The following SLC15A5 variants were observed in gnomAD, a reference collection of about 807,000 sequenced individuals.
SLC15A5 encodes solute carrier family 15 member 5, also known as Peptide/histidine transporter ENSP00000340402.
In SLC15A5, 58 loss-of-function variants were observed where a neutral mutation model predicts 56.1. That is an observed-to-expected ratio of 1.03 (90% CI 0.84 to 1.29). The LOEUF (loss-of-function observed/expected upper bound fraction) is 1.29. Ranked by LOEUF, SLC15A5 falls within the 50% of genes most tolerant of loss-of-function variation. The pLI, the probability that SLC15A5 is intolerant of heterozygous loss-of-function variation, is 0.00. For missense variants in SLC15A5, 681 were observed against 672.1 expected (o/e 1.01, Z -0.15); for synonymous variants, 264 against 250.5 (o/e 1.05, Z -0.51).
chr12:16,266,798 C>T lies in SLC15A5; in HGVS notation c.584+5763G>A, dbSNP rs546216109. ...GCAAAGCACTAAAGCAAAACAAATACCAGTGATTAAGGAAAATTGAAAGCA... is the reference window on the plus strand; with the variant it reads ...GCAAAGCACTAAAGCAAAACAAATATCAGTGATTAAGGAAAATTGAAAGCA... On this transcript the variant is annotated intron_variant, in intron 2 of 8. Coordinates refer to ENST00000344941, the MANE Select transcript of SLC15A5 (RefSeq NM_001170798.1). Among the ~76,000 whole-genome samples the T allele has an allele frequency of 5.3e-5, 8 of 152,224 alleles. No homozygotes were observed. In the South Asian group the frequency reaches 1.5e-3, roughly 28 times the overall value.
intron 7 of SLC15A5, among the ~76,000 whole-genome samples, chr12:16,213,371 C>G (rs1864101683): frequency 6.6e-6 from 1 of 152,126 alleles, no homozygotes; most frequent in African/African-American, 2.4e-5. Flanking sequence ...TACCTAGATT[C>G]AAATTCAGGT....
At position 16,277,324 on chromosome 12, in the gene SLC15A5, C is replaced by A; in HGVS notation, c.361+1G>T. 1 of 1,517,234 alleles carries A rather than the reference C, an allele frequency of 6.6e-7. No homozygotes were observed. Among genetic ancestry groups the A allele is most frequent in the Non-Finnish European group, 8.8e-7 (1 of 1,135,826 alleles). 94.0% of individuals were successfully genotyped at this position (1,517,234 alleles called of 1,614,324 possible). A position where few individuals can be genotyped will look rare whatever the true frequency, so the allele number is the denominator to read the frequency against. On this transcript the variant is annotated splice_donor_variant, in intron 1 of 8. Transcript: ENST00000344941. LOFTEE classifies it high-confidence loss of function. Reference sequence around the variant, plus strand: ...CAATCCAGTCAGCAGAGGACACTCACCTAGAAAATGTAGAAACAAGCAAAT... The same window carrying A: ...CAATCCAGTCAGCAGAGGACACTCAACTAGAAAATGTAGAAACAAGCAAAT...
chr12:16,194,051 C>A (rs1302137887), intron 8 of SLC15A5, among the ~76,000 whole-genome samples: 1 of 152,002 alleles, frequency 6.6e-6, no homozygotes, highest in Non-Finnish European at 1.5e-5. Flanking sequence ...TAATGATTCA[C>A]TCGTTCTTAT....
At chr12:16,244,253 A>G (rs1485535242) in intron 4 of SLC15A5, among the ~76,000 whole-genome samples, 1 of 152,164 alleles carries the variant, frequency 6.6e-6, no homozygotes, top group African/African-American at 2.4e-5. Flanking sequence ...GCTAAAGGGA[A>G]GTTTGGTAAT....
chr12:16,204,537 GATAAGT>G (rs1158308913), intron 7 of SLC15A5, among the ~76,000 whole-genome samples: 3 of 151,050 alleles, frequency 2.0e-5, no homozygotes, highest in Non-Finnish European at 4.4e-5. Context: ...TAACCAAAAA[GATAAGT>G]ATGAGTAATA....
chr12:16,251,428 C>T (rs1864517628), intron 3 of SLC15A5, among the ~76,000 whole-genome samples: 1 of 151,376 alleles, frequency 6.6e-6, no homozygotes, highest in Non-Finnish European at 1.5e-5. Flanking sequence ...AAAAAATTAA[C>T]AAACCCTTAT....
intron 3 of SLC15A5, among the ~76,000 whole-genome samples, chr12:16,245,177 T>C (rs1864450693): frequency 6.6e-6 from 1 of 152,234 alleles, no homozygotes; most frequent in East Asian, 1.9e-4. Flanking sequence ...CACAAAGAAC[T>C]AGTACTATTT....
intron 2 of SLC15A5, among the ~76,000 whole-genome samples, chr12:16,266,751 C>G (rs907082851): frequency 6.6e-6 from 1 of 152,290 alleles, no homozygotes; most frequent in Admixed American, 6.5e-5. Flanking sequence ...TATAAAGCAC[C>G]TCTCACACAA....
intron 7 of SLC15A5, among the ~76,000 whole-genome samples, chr12:16,215,202 C>CAAAAA (rs33944569): frequency 8.3e-5 from 1 of 12,032 alleles, no homozygotes; most frequent in Non-Finnish European, 1.4e-4. Context: ...GACTCTTTCT[C>CAAAAA]AAAAAAAAAA....
Position 16,216,892 on chromosome 12 carries a change from C to T in SLC15A5, c.1483+1G>A. 6.5e-7 allele frequency: 1 copy of T among 1,534,686 alleles called. No individual in the cohort carries two copies. Among genetic ancestry groups the T allele is most frequent in the Non-Finnish European group, 8.7e-7 (1 of 1,145,878 alleles). ...TAAGCATGCCACGAACCTATTTTTA[C>T]CATCTGAGATGAGATATACCAACTT... is the stretch of plus-strand genomic sequence containing the variant. On this transcript the variant is annotated splice_donor_variant, in intron 7 of 8. Transcript: ENST00000344941. LOFTEE classifies it high-confidence loss of function.
chr12:16,225,438 G>C (rs1864231165), intron 5 of SLC15A5, among the ~76,000 whole-genome samples: 1 of 152,162 alleles, frequency 6.6e-6, no homozygotes, highest in African/African-American at 2.4e-5. Context: ...GGCAACAAAA[G>C]CCAAAATTGG....
At chr12:16,204,293 T>TA (rs1236832423) in intron 7 of SLC15A5, among the ~76,000 whole-genome samples, 1 of 151,524 alleles carries the variant, frequency 6.6e-6, no homozygotes, top group African/African-American at 2.4e-5. Flanking sequence ...CTGTCTCTAC[T>TA]AAAAAATACA....
intron 3 of SLC15A5, among the ~76,000 whole-genome samples, chr12:16,248,449 G>A (rs1565669893): frequency 6.6e-6 from 1 of 152,088 alleles, no homozygotes; most frequent in Non-Finnish European, 1.5e-5. Flanking sequence ...GGTAGACAAT[G>A]TGCTAGATGG....
In SLC15A5 at chr12:16,243,063, A is replaced by G. The variant is rs1196487984; in HGVS notation, c.975+1517T>C. 3.3e-5 allele frequency among the ~76,000 whole-genome samples: 5 copies of G among 152,202 alleles called. No individual in the cohort carries two copies. Among genetic ancestry groups the G allele is most frequent in the Non-Finnish European group, 5.9e-5 (4 of 68,032 alleles). On this transcript the variant is annotated intron_variant, in intron 4 of 8. Coordinates refer to ENST00000344941, the MANE Select transcript of SLC15A5 (RefSeq NM_001170798.1). This position sits in a 1 kb window ranked among gnomAD's most constrained non-coding sequence, Gnocchi z 4.4. The stretch of plus-strand genomic sequence containing the variant: ...AGGGCCAGATAGTAAATATGTCCAC[A>G]TATGGGTTCCGTGGCAATTACTCAA...
chr12:16,202,272 T>A (rs538672915), intron 7 of SLC15A5, among the ~76,000 whole-genome samples: 14 of 152,106 alleles, frequency 9.2e-5, no homozygotes, highest in Non-Finnish European at 1.9e-4. Context: ...AAATAGCTAA[T>A]CGAAAATTGG....
At chr12:16,267,293 A>G (rs1370901835) in intron 2 of SLC15A5, among the ~76,000 whole-genome samples, 1 of 118,014 alleles carries the variant, frequency 8.5e-6, no homozygotes, top group Non-Finnish European at 1.8e-5. Flanking sequence ...ATAAAACTGA[A>G]CTGTTTAGAG....
chr12:16,266,008 G>A (rs765972170), intron 2 of SLC15A5, among the ~76,000 whole-genome samples: 13 of 152,160 alleles, frequency 8.5e-5, no homozygotes, highest in South Asian at 2.1e-4. Context: ...CAAACACAAC[G>A]TAAAAAAACT....
intron 4 of SLC15A5, among the ~76,000 whole-genome samples, chr12:16,242,850 G>T (rs530938103): frequency 1.3e-5 from 2 of 152,146 alleles, no homozygotes; most frequent in African/African-American, 4.8e-5. Flanking sequence ...TAGTAATTTT[G>T]TACTGTTTAT....
At chr12:16,275,415 T>C (rs1864806040) in intron 1 of SLC15A5, among the ~76,000 whole-genome samples, 1 of 152,018 alleles carries the variant, frequency 6.6e-6, no homozygotes, top group Non-Finnish European at 1.5e-5. Context: ...AGTTTGGATT[T>C]CATTTTTTAG....
Sources: allele counts gnomAD v4.1 joint callset (sites outside exome capture counted in the v4.1 genomes callset), GRCh38; gene constraint gnomAD v4.1.1; non-coding constraint Gnocchi (gnomAD v3.1); transcripts MANE v1.5; gene names NCBI Gene and HGNC (gene_info 2026-07-23, HGNC 2026-07-21).